PRKCE: variants seen among roughly 807,000 people sequenced by gnomAD.
PRKCE encodes the protein protein kinase C epsilon type.
In PRKCE, 16 loss-of-function variants were observed where a neutral mutation model predicts 85.4. The ratio of observed to expected loss-of-function variants is 0.19; its 90% CI spans 0.13 to 0.28. The LOEUF is 0.28. Ranked by LOEUF, PRKCE falls within the 10% of genes least tolerant of loss-of-function variation. PRKCE has a pLI of 1.00. For synonymous variants in PRKCE, 388 were observed against 371.5 expected, an observed-to-expected ratio of 1.04 and a Z score of -0.51; for missense variants, 573 against 975.2, an observed-to-expected ratio of 0.59 and a Z score of 5.49.
chr2:45,797,243 T>C (rs1687509915), intron 1 of PRKCE, among the ~76,000 whole-genome samples: 1 of 152,206 alleles, frequency 6.6e-6, no homozygotes, highest in Admixed American at 6.5e-5. Context: ...ACTTTACTCA[T>C]TCTGCCTCAT....
intron 2 of PRKCE, among the ~76,000 whole-genome samples, chr2:45,932,594 C>G (rs1264406814): frequency 2.0e-5 from 3 of 152,178 alleles, no homozygotes; most frequent in Non-Finnish European, 4.4e-5. Context: ...CCATATTTAG[C>G]TGTTCTGGTG....
intron 1 of PRKCE, among the ~76,000 whole-genome samples, chr2:45,754,607 A>G (rs748652917): frequency 1.3e-5 from 2 of 152,202 alleles, no homozygotes; most frequent in Non-Finnish European, 2.9e-5. Flanking sequence ...GAAGTATGAT[A>G]AATAAATATT....
At chr2:45,684,352 G>A (rs892071658) in intron 1 of PRKCE, among the ~76,000 whole-genome samples, 29 of 152,288 alleles carry the variant, frequency 1.9e-4, no homozygotes, top group African/African-American at 6.0e-4. Flanking sequence ...CTGAAATGAC[G>A]CTGGGGAGGA....
At chr2:45,946,759 G>C (rs1350972585) in intron 2 of PRKCE, among the ~76,000 whole-genome samples, 1 of 152,198 alleles carries the variant, frequency 6.6e-6, no homozygotes, top group Admixed American at 6.5e-5. Flanking sequence ...GATTTTGGTG[G>C]AAAGAAAGTA....
chr2:45,941,672 A>G (rs997680465), intron 2 of PRKCE, among the ~76,000 whole-genome samples: 1 of 152,118 alleles, frequency 6.6e-6, no homozygotes, highest in African/African-American at 2.4e-5. Flanking sequence ...TGAGCTAAAG[A>G]TGCTTTTTGT....
At chr2:45,921,608 TGA>T (rs1698255208) in intron 2 of PRKCE, among the ~76,000 whole-genome samples, 1 of 152,210 alleles carries the variant, frequency 6.6e-6, no homozygotes, top group Non-Finnish European at 1.5e-5. Flanking sequence ...CTGGGTAAAC[TGA>T]CAGGGTGACC....
intron 2 of PRKCE, among the ~76,000 whole-genome samples, chr2:45,924,637 G>T (rs1698482318): frequency 1.3e-5 from 2 of 152,132 alleles, no homozygotes; most frequent in Non-Finnish European, 2.9e-5. Flanking sequence ...GTTGAAAGGG[G>T]GTTACCACAC....
chr2:45,924,639 T>A (rs1393798736), intron 2 of PRKCE, among the ~76,000 whole-genome samples: 2 of 152,166 alleles, frequency 1.3e-5, no homozygotes, highest in East Asian at 3.8e-4. Flanking sequence ...TGAAAGGGGG[T>A]TACCACACAT....
At chr2:46,102,500 T>C (rs1274731552) in intron 11 of PRKCE, among the ~76,000 whole-genome samples, 1 of 152,222 alleles carries the variant, frequency 6.6e-6, no homozygotes, top group Admixed American at 6.5e-5. Flanking sequence ...AATGAACTAA[T>C]ACTGACACAT....
rs974591382 is a variant in PRKCE at position 45,833,342 on chromosome 2, G to C, written c.349-9658G>C. Among the ~76,000 whole-genome samples the C allele has an allele frequency of 1.3e-5, 2 of 152,230 alleles. 1 individual carries two copies. Among genetic ancestry groups the C allele is most frequent in the Admixed American group, 1.3e-4 (2 of 15,294 alleles). On this transcript the variant is annotated intron_variant, in intron 1 of 14. Coordinates refer to ENST00000306156, the MANE Select transcript of PRKCE (RefSeq NM_005400.3). ...ATGGATTCATTCAGTTCCACTTAGA[G>C]TCTTTATTGAATACCTATCTCAATC...
intron 2 of PRKCE, among the ~76,000 whole-genome samples, chr2:45,943,564 A>G (rs1022852780): frequency 3.3e-5 from 5 of 152,252 alleles, no homozygotes; most frequent in Non-Finnish European, 5.9e-5. Flanking sequence ...GAGGTTACAC[A>G]TGCCAGAAAC....
intron 1 of PRKCE, among the ~76,000 whole-genome samples, chr2:45,805,397 C>A (rs1457051145): frequency 1.3e-5 from 2 of 152,146 alleles, no homozygotes; most frequent in Non-Finnish European, 2.9e-5. Context: ...TTCAGTGTTC[C>A]TTCTCAGCGT....
At chr2:45,680,757 A>T (rs1258166245) in intron 1 of PRKCE, among the ~76,000 whole-genome samples, 1 of 152,240 alleles carries the variant, frequency 6.6e-6, no homozygotes, top group Non-Finnish European at 1.5e-5. Flanking sequence ...TCAACTTGTG[A>T]AGATAAATAA....
In PRKCE at chr2:45,784,337, G is replaced by A. The variant is rs150790581; in HGVS notation, c.349-58663G>A. 4.6e-5 allele frequency among the ~76,000 whole-genome samples: 7 copies of A among 152,360 alleles called. No homozygotes were observed. The South Asian group carries it at 1.4e-3, about 32-fold the overall frequency. On this transcript the variant is annotated intron_variant, in intron 1 of 14. Coordinates refer to ENST00000306156, the MANE Select transcript of PRKCE (RefSeq NM_005400.3). ...GGCGTGAGGGCCACTTGCGGGTGAG[G>A]TGTGGAACCGAACCTGCCAAAAAAG...
At chr2:46,021,990 G>A (rs985099936) in intron 10 of PRKCE, among the ~76,000 whole-genome samples, 4 of 152,066 alleles carry the variant, frequency 2.6e-5, no homozygotes, top group Non-Finnish European at 2.9e-5. Flanking sequence ...CATATAACCC[G>A]AACTTTTTGT....
chr2:46,114,190 A>T (rs10210161), intron 11 of PRKCE, among the ~76,000 whole-genome samples: 62,397 of 151,724 alleles, frequency 0.41, 14,277 homozygotes, highest in East Asian at 0.53. Context: ...GTATGTCGAG[A>T]GGCACAGAAC....
intron 2 of PRKCE, among the ~76,000 whole-genome samples, chr2:45,909,948 C>A (rs1463351856): frequency 6.6e-6 from 1 of 152,144 alleles, no homozygotes; most frequent in African/African-American, 2.4e-5. Flanking sequence ...ACTGCCTTCT[C>A]CCTCAAATAG....
intron 2 of PRKCE, among the ~76,000 whole-genome samples, chr2:45,942,435 A>G (rs996765453): frequency 6.6e-6 from 1 of 152,240 alleles, no homozygotes; most frequent in Non-Finnish European, 1.5e-5. Flanking sequence ...AGGATATAAA[A>G]GAGCAAGTCT....
chr2:45,858,795 C>T (rs1558760190), intron 2 of PRKCE, among the ~76,000 whole-genome samples: 1 of 152,092 alleles, frequency 6.6e-6, no homozygotes, highest in Non-Finnish European at 1.5e-5. Context: ...AATCCCAGCA[C>T]TTTGGGAGGC....
Sources: gnomAD v4.1 joint callset for allele counts (sites outside exome capture counted in the v4.1 genomes callset) on GRCh38, gnomAD v4.1.1 for gene constraint, MANE v1.5 for transcripts, NCBI Gene and HGNC (gene_info 2026-07-23, HGNC 2026-07-21) for gene names.